Variants in ULK4 observed in about 807,000 individuals in gnomAD.
ULK4 encodes inactive serine/threonine-protein kinase ULK4.
In ULK4, 133 loss-of-function variants were observed where a neutral mutation model predicts 160.6. That is an observed-to-expected ratio of 0.83 (90% CI 0.72 to 0.96). The LOEUF (loss-of-function observed/expected upper bound fraction) is 0.96. Ranked by LOEUF, ULK4 falls within the 40% of genes least tolerant of loss-of-function variation. The probability of loss-of-function intolerance (pLI) is 0.00; values close to 1 mark genes in which losing one functional copy is unlikely to be tolerated. For synonymous variants in ULK4, 534 were observed against 539.8 expected (o/e 0.99, Z 0.15); for missense variants, 1,580 against 1,499.5 (o/e 1.05, Z -0.89).
At chr3:41,336,039 C>A (rs2080547965) in intron 35 of ULK4, among the ~76,000 whole-genome samples, 2 of 152,290 alleles carry the variant, frequency 1.3e-5, no homozygotes, top group East Asian at 3.9e-4. Flanking sequence ...CAAGCTATGA[C>A]AGCTGAATGC....
chr3:41,283,304 C>A (rs1035278241), intron 35 of ULK4, among the ~76,000 whole-genome samples: 1 of 152,172 alleles, frequency 6.6e-6, no homozygotes, highest in Non-Finnish European at 1.5e-5. Flanking sequence ...TGGGTATATA[C>A]CCAAAGGAGT....
intron 19 of ULK4, among the ~76,000 whole-genome samples, chr3:41,811,888 A>G (rs1176611997): frequency 6.6e-6 from 1 of 152,222 alleles, no homozygotes; most frequent in African/African-American, 2.4e-5. Flanking sequence ...AATGTATTAA[A>G]GTAATTTTCA....
intron 33 of ULK4, among the ~76,000 whole-genome samples, chr3:41,459,908 T>C (rs2083643945): frequency 6.6e-6 from 1 of 152,126 alleles, no homozygotes; most frequent in African/African-American, 2.4e-5. Flanking sequence ...CAGTAAGTTA[T>C]AGATAATGAG....
chr3:41,484,587 G>A (rs1046740011), intron 32 of ULK4, among the ~76,000 whole-genome samples: 1 of 151,980 alleles, frequency 6.6e-6, no homozygotes, highest in Non-Finnish European at 1.5e-5. Flanking sequence ...GGAGTAGCTG[G>A]GACTACAGGC....
intron 31 of ULK4, among the ~76,000 whole-genome samples, chr3:41,570,033 C>G (rs992452578): frequency 6.6e-6 from 1 of 152,176 alleles, no homozygotes; most frequent in Admixed American, 6.5e-5. Flanking sequence ...GCCTGCGTAT[C>G]AGAGTGAGAA....
intron 30 of ULK4, among the ~76,000 whole-genome samples, chr3:41,644,480 T>C (rs1264426477): frequency 6.6e-6 from 1 of 152,246 alleles, no homozygotes; most frequent in Admixed American, 6.5e-5. Context: ...GTTCTGTTTA[T>C]ATGTTGGATT....
chr3:41,344,986 T>C (rs1018232917), intron 35 of ULK4, among the ~76,000 whole-genome samples: 15 of 152,060 alleles, frequency 9.9e-5, no homozygotes, highest in Non-Finnish European at 5.9e-5. Context: ...ACAGACACTT[T>C]TCAAAAGAAC....
Position 41,267,258 on chromosome 3 carries a change from G to A in ULK4, c.3679-17684C>T, listed in dbSNP as rs1443741691. On this transcript the variant is annotated intron_variant, in intron 35 of 36. Coordinates refer to ENST00000301831, the MANE Select transcript of ULK4 (RefSeq NM_017886.4). Reference sequence around the variant, plus strand: ...AACTCCCACTTATGAGTGAGAACATGCAATATTTGGTCTTCTGTTCCTGTG... The same window carrying A: ...AACTCCCACTTATGAGTGAGAACATACAATATTTGGTCTTCTGTTCCTGTG... Among the ~76,000 whole-genome samples the A allele has an allele frequency of 2.0e-5, 3 of 152,084 alleles. No homozygotes were observed. In the East Asian group the frequency reaches 5.8e-4, roughly 29 times the overall value.
At chr3:41,387,141 CAGT>C (rs2081832970) in intron 35 of ULK4, among the ~76,000 whole-genome samples, 1 of 152,018 alleles carries the variant, frequency 6.6e-6, no homozygotes, top group Admixed American at 6.6e-5. Context: ...ATGGGGTACA[CAGT>C]AAGGTTTCGA....
At chr3:41,572,908 G>C (rs2088051816) in intron 31 of ULK4, among the ~76,000 whole-genome samples, 1 of 152,102 alleles carries the variant, frequency 6.6e-6, no homozygotes, top group Non-Finnish European at 1.5e-5. Context: ...TCAGACACTT[G>C]TGTTCGCACT....
At chr3:41,404,444 C>T (rs905416688) in intron 34 of ULK4, among the ~76,000 whole-genome samples, 2 of 151,980 alleles carry the variant, frequency 1.3e-5, no homozygotes, top group Admixed American at 1.3e-4. Flanking sequence ...CATTTTTCTT[C>T]CTTTTACTTT....
intron 31 of ULK4, among the ~76,000 whole-genome samples, chr3:41,572,941 C>G (rs1424448481): frequency 6.6e-6 from 1 of 152,002 alleles, no homozygotes; most frequent in Non-Finnish European, 1.5e-5. Flanking sequence ...AAAGAGGAAA[C>G]GACTCACAGA....
At chr3:41,528,842 A>C (rs2086205050) in intron 32 of ULK4, among the ~76,000 whole-genome samples, 1 of 152,154 alleles carries the variant, frequency 6.6e-6, no homozygotes, top group Non-Finnish European at 1.5e-5. Context: ...GTTGTTGTCC[A>C]AGAAAGAAGG....
intron 35 of ULK4, among the ~76,000 whole-genome samples, chr3:41,380,542 G>A (rs2081626206): frequency 1.3e-5 from 2 of 152,026 alleles, no homozygotes; most frequent in Non-Finnish European, 2.9e-5. Flanking sequence ...CTCTGTCCTG[G>A]CTGGAATCAG....
At chr3:41,944,931 A>G (rs961845851) in intron 2 of ULK4, among the ~76,000 whole-genome samples, 1 of 152,198 alleles carries the variant, frequency 6.6e-6, no homozygotes, top group East Asian at 1.9e-4. Context: ...ATGACATCCC[A>G]TGATTTGGCC....
At chr3:41,882,485 A>C (rs1575879528) in intron 17 of ULK4, among the ~76,000 whole-genome samples, 1 of 152,368 alleles carries the variant, frequency 6.6e-6, no homozygotes, top group East Asian at 1.9e-4. Context: ...ATAGTTCAAC[A>C]AATCTGAAAC....
chr3:41,506,772 AT>A (rs2085400470), intron 32 of ULK4, among the ~76,000 whole-genome samples: 1 of 104,882 alleles, frequency 9.5e-6, no homozygotes, highest in Admixed American at 9.3e-5. Context: ...TTTAAAATAT[AT>A]ATATATATAT....
chr3:41,959,346 A>C (rs1389368296), intron 1 of ULK4, among the ~76,000 whole-genome samples: 1 of 135,436 alleles, frequency 7.4e-6, no homozygotes, highest in African/African-American at 2.7e-5. Flanking sequence ...CCTGAGGAAC[A>C]GAACAAGATT....
At chr3:41,633,549 G>A (rs2033830709) in intron 30 of ULK4, among the ~76,000 whole-genome samples, 2 of 152,018 alleles carry the variant, frequency 1.3e-5, no homozygotes, top group African/African-American at 4.8e-5. Flanking sequence ...TGCCATTAAG[G>A]GTAAGATTAA....
Sources: gnomAD v4.1 joint callset for allele counts (sites outside exome capture counted in the v4.1 genomes callset) on GRCh38, gnomAD v4.1.1 for gene constraint, MANE v1.5 for transcripts, NCBI Gene and HGNC (gene_info 2026-07-23, HGNC 2026-07-21) for gene names.